The following NT5C2 variants were observed in gnomAD, a reference collection of about 807,000 sequenced individuals.
NT5C2 encodes the protein cytosolic purine 5'-nucleotidase.
Under a neutral mutation model 76.1 loss-of-function variants are expected in NT5C2, and 58 were observed. The ratio of observed to expected loss-of-function variants is 0.76; its 90% confidence interval spans 0.62 to 0.95. The LOEUF (loss-of-function observed/expected upper bound fraction) is 0.95, where lower values mean the gene tolerates loss of function less well. Ranked by LOEUF, NT5C2 falls within the 40% of genes least tolerant of loss-of-function variation. The pLI is 0.00. For missense variants in NT5C2, 478 were observed against 690.3 expected, an observed-to-expected ratio of 0.69 and a Z score of 3.45; for synonymous variants, 229 against 237.4, an observed-to-expected ratio of 0.96 and a Z score of 0.32.
chr10:103,120,447 G>A (rs1021255224), intron 4 of NT5C2, among the ~76,000 whole-genome samples: 2 of 152,156 alleles, frequency 1.3e-5, no homozygotes, highest in African/African-American at 4.8e-5. Flanking sequence ...TAACTCCACA[G>A]TTATTTTAAA....
intron 15 of NT5C2, among the ~76,000 whole-genome samples, chr10:103,092,425 T>G (rs891373426): frequency 3.3e-5 from 5 of 152,332 alleles, no homozygotes; most frequent in Non-Finnish European, 7.3e-5. Flanking sequence ...TTATCCCCAT[T>G]TTTACATTTG....
At chr10:103,091,757 T>C in intron 15 of NT5C2, 142 bp from the exon 16 acceptor site, 1 of 659,252 alleles carries the variant, frequency 1.5e-6, no homozygotes, top group Non-Finnish European at 2.7e-6. Context: ...TTACCTCCTC[T>C]TCCCCTCTTC....
At chr10:103,149,645 T>C (rs1187326248) in intron 3 of NT5C2, among the ~76,000 whole-genome samples, 1 of 152,102 alleles carries the variant, frequency 6.6e-6, no homozygotes, top group Non-Finnish European at 1.5e-5. Flanking sequence ...GACCAGTGTA[T>C]AGAGGATCAT....
Position 103,093,195 on chromosome 10 carries a change from G to A in NT5C2, c.1103C>T (p.Thr368Ile). The A allele has an allele frequency of 6.2e-7, 1 of 1,611,666 alleles. No homozygotes were observed. Among genetic ancestry groups the A allele is most frequent in the Non-Finnish European group, 8.5e-7 (1 of 1,178,944 alleles). ...LKSKKRQGWR[T>I]FLVIPELAQE... is the part of the protein sequence containing the mutation. ...TGCGAGTTCAGGAATCACCAAAAAA[G>A]TTCGCCACCCTTGCCGTTTCTTTGA... Residue 368 changes from threonine (T) to isoleucine (I), a missense_variant, in exon 15 of 19, where the codon ACT (threonine) becomes ATT (isoleucine). By Grantham distance (89) the Thr-to-Ile change is moderately conservative (BLOSUM62 -1). Transcript: ENST00000404739.
At chr10:103,156,919 T>C (rs2083532925) in intron 3 of NT5C2, among the ~76,000 whole-genome samples, 1 of 151,394 alleles carries the variant, frequency 6.6e-6, no homozygotes, top group African/African-American at 2.4e-5. Flanking sequence ...TAACCACGCG[T>C]GGTGGCACGT....
chr10:103,092,170 T>C (rs1029885594), intron 15 of NT5C2, among the ~76,000 whole-genome samples: 3 of 152,236 alleles, frequency 2.0e-5, no homozygotes, highest in African/African-American at 7.2e-5. Flanking sequence ...TTTGTCAGTC[T>C]GGGTTCCTCA....
chr10:103,170,054 G>A (rs1324980909), intron 3 of NT5C2, among the ~76,000 whole-genome samples: 2 of 152,154 alleles, frequency 1.3e-5, no homozygotes, highest in Non-Finnish European at 2.9e-5. Flanking sequence ...CCAGACCCAG[G>A]AGGCAGAGGT....
At chr10:103,135,331 G>C (rs1165704532) in intron 4 of NT5C2, among the ~76,000 whole-genome samples, 1 of 152,174 alleles carries the variant, frequency 6.6e-6, no homozygotes, top group Non-Finnish European at 1.5e-5. Context: ...TCCTGTAATA[G>C]TGAATAAGTC....
At chr10:103,093,051 G>A in intron 15 of NT5C2, 88 bp downstream of exon 15, 1 of 1,182,782 alleles carries the variant, frequency 8.5e-7, no homozygotes, top group Non-Finnish European at 1.1e-6. Context: ...CTGACTTCCT[G>A]AATACAAAGT....
At chr10:103,192,857 C>G (rs1268096739) in intron 1 of NT5C2, among the ~76,000 whole-genome samples, 1 of 152,072 alleles carries the variant, frequency 6.6e-6, no homozygotes, top group African/African-American at 2.4e-5. Context: ...CTACCACCAG[C>G]GTGAGGAAAG....
Position 103,181,339 on chromosome 10 carries a change from A to T in NT5C2, c.-168-11T>A, listed in dbSNP as rs1044839139. ...CAGCAGAGCGAAACTCTGTCTCAAA[A>T]AAAAAAAAAATAATAATTCACAGGC... On this transcript the variant is annotated splice_polypyrimidine_tract_variant and intron_variant, in intron 1 of 18. Coordinates refer to ENST00000404739, the MANE Select transcript of NT5C2 (RefSeq NM_001351169.2). The T allele has an allele frequency of 6.6e-6, 1 of 151,520 alleles. No individual in the cohort carries two copies. The highest frequency in any genetic ancestry group is 1.5e-5 in the Non-Finnish European group (1 of 67,890). 9.4% of individuals were successfully genotyped at this position (151,520 alleles called of 1,614,324 possible).
At chr10:103,160,201 T>C (rs572914356) in intron 3 of NT5C2, among the ~76,000 whole-genome samples, 48 of 152,152 alleles carry the variant, frequency 3.2e-4, no homozygotes, top group African/African-American at 1.0e-3. Context: ...TGCAAAAAAA[T>C]GAATCTGGAC....
intron 4 of NT5C2, among the ~76,000 whole-genome samples, chr10:103,129,888 C>T (rs1477749573): frequency 6.3e-5 from 5 of 78,810 alleles, no homozygotes; most frequent in Non-Finnish European, 9.8e-5. Flanking sequence ...GTGGGGGTGT[C>T]AGCCCCCCGC....
intron 3 of NT5C2, among the ~76,000 whole-genome samples, chr10:103,165,333 A>G (rs929082759): frequency 2.0e-5 from 3 of 152,084 alleles, no homozygotes; most frequent in Non-Finnish European, 2.9e-5. Flanking sequence ...ATTTCTACTA[A>G]AAATACAAAA....
At chr10:103,136,729 G>A (rs10883837) in intron 4 of NT5C2, among the ~76,000 whole-genome samples, 62,009 of 151,276 alleles carry the variant, frequency 0.41, 12,899 homozygotes, top group East Asian at 0.56. Context: ...AGTTCAAGCG[G>A]TTCTCCCACC....
At chr10:103,163,803 G>T (rs1267582546) in intron 3 of NT5C2, among the ~76,000 whole-genome samples, 4 of 145,484 alleles carry the variant, frequency 2.7e-5, no homozygotes. Context: ...AATCACTTGA[G>T]GTCAGGAGTT....
intron 4 of NT5C2, among the ~76,000 whole-genome samples, chr10:103,132,241 G>GAAA (rs539460535): frequency 8.1e-6 from 1 of 123,000 alleles, no homozygotes. Context: ...ACTTCATCTC[G>GAAA]AAAAAAAAAA....
chr10:103,106,851 T>C lies in NT5C2; in HGVS notation c.176-145A>G, dbSNP rs917549675. Reference sequence around the variant, plus strand: ...TTCTTCCCCCTCAAACTCCATGTTCTGTATTGCCCCAAGTAATTAGAGAAC... The same window carrying C: ...TTCTTCCCCCTCAAACTCCATGTTCCGTATTGCCCCAAGTAATTAGAGAAC... On this transcript the variant is annotated intron_variant, in intron 4 of 18. Transcript: ENST00000404739. 9.3e-6 allele frequency: 6 copies of C among 645,194 alleles called. No homozygotes were observed. The African/African-American group carries it at 1.1e-4, about 12-fold the overall frequency. 40.0% of individuals were successfully genotyped at this position (645,194 alleles called of 1,614,324 possible).
rs1365967617 is a variant in NT5C2, at chr10:103,185,329, T to C, written c.-168-4001A>G. Among the ~76,000 whole-genome samples, 3 of 148,682 alleles carry C rather than the reference T, an allele frequency of 2.0e-5. No homozygotes were observed. In the East Asian group the frequency reaches 6.0e-4, roughly 30 times the overall value. ...AATACTTTGCACCTTTAGTAATGAC[T>C]CCTGAATACTCCTTTAAAAAAAAAA... On this transcript the variant is annotated intron_variant, in intron 1 of 18. Coordinates refer to ENST00000404739, the MANE Select transcript of NT5C2 (RefSeq NM_001351169.2).
Sources: allele counts gnomAD v4.1 joint callset (sites outside exome capture counted in the v4.1 genomes callset), GRCh38; gene constraint gnomAD v4.1.1; transcripts MANE v1.5; gene names NCBI Gene and HGNC (gene_info 2026-07-23, HGNC 2026-07-21).